The following SLC22A3 variants were observed in gnomAD, a reference collection of about 807,000 sequenced individuals.
The protein encoded by SLC22A3 is EMT organic cation transporter 3.
Under a neutral mutation model 59.1 loss-of-function variants are expected in SLC22A3, and 51 were observed. The ratio of observed to expected loss-of-function variants is 0.86; its 90% CI spans 0.69 to 1.09. The LOEUF (loss-of-function observed/expected upper bound fraction) is 1.09, where lower values mean the gene tolerates loss of function less well. SLC22A3 is among the 50% of genes least tolerant of loss of function. The pLI, the probability that SLC22A3 is intolerant of heterozygous loss-of-function variation, is 0.00. For missense variants in SLC22A3, 711 were observed against 726.3 expected (o/e 0.98, Z 0.24); for synonymous variants, 325 against 292.0 (o/e 1.11, Z -1.15).
At chr6:160,441,470 A>T (rs1583516924) in intron 7 of SLC22A3, among the ~76,000 whole-genome samples, 1 of 152,276 alleles carries the variant, frequency 6.6e-6, no homozygotes, top group African/African-American at 2.4e-5. Flanking sequence ...GAAAAACATC[A>T]AGTGCACCAG....
chr6:160,443,467 T>C (rs1788624509), intron 8 of SLC22A3, among the ~76,000 whole-genome samples, 163 bp from the exon 9 acceptor site: 1 of 152,234 alleles, frequency 6.6e-6, no homozygotes, highest in Non-Finnish European at 1.5e-5. Flanking sequence ...ACGTGCAGAA[T>C]GGAAATGTTT....
intron 9 of SLC22A3, among the ~76,000 whole-genome samples, chr6:160,444,388 G>A (rs1388270088): frequency 1.3e-5 from 2 of 151,968 alleles, no homozygotes; most frequent in African/African-American, 4.8e-5. Context: ...ACAAAAATAA[G>A]CCTAATGTCT....
rs146317414 is a variant in SLC22A3, at chr6:160,451,859, T to G, written c.*803T>G. The G allele has an allele frequency of 2.4e-4, 36 of 152,294 alleles. 1 individual carries two copies. Among genetic ancestry groups the G allele is most frequent in the African/African-American group, 8.2e-4 (34 of 41,564 alleles). The allele number at this position is 152,294 out of a possible 1,614,324, so 9.4% of individuals were successfully genotyped here. ...CAGATTCCCTTCTTTACTAAACAAA[T>G]CCCATGGATTCTGATTTCTGGGTCT... is the stretch of plus-strand genomic sequence containing the variant. On this transcript the variant is annotated 3_prime_UTR_variant, in exon 11 of 11. Transcript: ENST00000275300.
intron 1 of SLC22A3, among the ~76,000 whole-genome samples, chr6:160,358,853 C>T (rs1020133596): frequency 2.0e-5 from 3 of 152,164 alleles, no homozygotes; most frequent in African/African-American, 4.8e-5. Flanking sequence ...AGCAGAGGGA[C>T]GCTGGGACAG....
At position 160,415,863 on chromosome 6, in the gene SLC22A3, G is replaced by A. The variant is rs1787465980; in HGVS notation, c.975+5017G>A. ...TCAGGTATATTTAGGAGAAGCTAAG[G>A]ACCTAGCTTAAATCTACCCAAGGAT... On this transcript the variant is annotated intron_variant, in intron 5 of 10. Transcript: ENST00000275300. This position sits in a 1 kb window ranked among gnomAD's most constrained non-coding sequence, Gnocchi z 4.1. Among the ~76,000 whole-genome samples, 1 of 152,106 alleles carries A rather than the reference G, an allele frequency of 6.6e-6. No homozygotes were observed. The highest frequency in any genetic ancestry group is 2.1e-4 in the South Asian group (1 of 4,824).
chr6:160,410,936 T>G, intron 5 of SLC22A3, 90 bp downstream of exon 5: 1 of 686,776 alleles, frequency 1.5e-6, no homozygotes, highest in Admixed American at 2.1e-5. Context: ...CTTCTTAAAT[T>G]TATATACAAA....
rs1164774007 is a variant in SLC22A3, at chr6:160,348,820, C to G, written c.401C>G (p.Ala134Gly). The G allele has an allele frequency of 6.3e-7, 1 of 1,582,536 alleles. No individual in the cohort carries two copies. The highest frequency in any genetic ancestry group is 1.7e-5 in the Admixed American group (1 of 58,308). The change falls in exon 1 of 11, where the codon GCC (alanine) becomes GGC (glycine). Residue 134 changes from alanine to glycine, a missense_variant. Coordinates refer to ENST00000275300, the MANE Select transcript of SLC22A3 (RefSeq NM_021977.4). The stretch of plus-strand genomic sequence containing the variant: ...CCGTGCCGCGGCGGCTGGCGCTACG[C>G]CCAGGCCCACTCCACCATCGTCAGC... ...LVPCRGGWRY[A>G]QAHSTIVSEF...
chr6:160,445,921 A>G (rs1193593549), intron 9 of SLC22A3, among the ~76,000 whole-genome samples: 1 of 152,226 alleles, frequency 6.6e-6, no homozygotes, highest in African/African-American at 2.4e-5. Flanking sequence ...TCAGGAGGGA[A>G]GAGTGGCCTT....
chr6:160,442,264 C>T (rs148497554), intron 7 of SLC22A3, among the ~76,000 whole-genome samples: 1 of 152,320 alleles, frequency 6.6e-6, no homozygotes, highest in East Asian at 1.9e-4. Context: ...TCAAAGCTTG[C>T]TCCACTCTAG....
At position 160,436,930 on chromosome 6, in the gene SLC22A3, C is replaced by T. The variant is rs929803757; in HGVS notation, c.1073+53C>T. On this transcript the variant is annotated intron_variant, in intron 6 of 10. Coordinates refer to ENST00000275300, the MANE Select transcript of SLC22A3 (RefSeq NM_021977.4). ...AGCTTGCGTTAAATTTACAATACAT[C>T]CCTTCCTTCAAATCAGCTTGAAGTT... 6 of 1,608,108 alleles carry T rather than the reference C, an allele frequency of 3.7e-6. No homozygotes were observed. The South Asian group carries it at 5.5e-5, about 15-fold the overall frequency.
intron 1 of SLC22A3, among the ~76,000 whole-genome samples, chr6:160,354,034 C>T (rs1463823301): frequency 7.2e-5 from 11 of 152,166 alleles, no homozygotes; most frequent in Admixed American, 5.2e-4. Flanking sequence ...AACTGGGGAG[C>T]GGGGGAAGCC....
At chr6:160,359,156 C>CA (rs1279739877) in intron 1 of SLC22A3, among the ~76,000 whole-genome samples, 4 of 152,184 alleles carry the variant, frequency 2.6e-5, no homozygotes, top group African/African-American at 9.7e-5. Context: ...CATCAGATCA[C>CA]AGTTTGCTTG....
rs568254205 is a variant in SLC22A3 at position 160,386,238 on chromosome 6, C to T, written c.430-11741C>T. 3.3e-5 allele frequency among the ~76,000 whole-genome samples: 5 copies of T among 152,330 alleles called. No individual in the cohort carries two copies. In the South Asian group the frequency reaches 1.0e-3, roughly 32 times the overall value. ...TATACTTCTGCCCATATATCTCACT[C>T]TCTGTTTTCCAGCCTGTCTTTTCTG... On this transcript the variant is annotated intron_variant, in intron 1 of 10. Transcript: ENST00000275300.
At chr6:160,431,120 T>C (rs1178345406) in intron 5 of SLC22A3, among the ~76,000 whole-genome samples, 2 of 152,214 alleles carry the variant, frequency 1.3e-5, no homozygotes, top group Non-Finnish European at 2.9e-5. Context: ...TGCATGTAAA[T>C]GGTATGTGAG....
intron 5 of SLC22A3, among the ~76,000 whole-genome samples, chr6:160,429,261 T>C (rs187213044): frequency 7.9e-5 from 12 of 152,346 alleles, no homozygotes; most frequent in Non-Finnish European, 1.5e-4. Flanking sequence ...CTAGTGATGA[T>C]GCATTCACTG....
chr6:160,409,909 G>A (rs529692105), intron 4 of SLC22A3, among the ~76,000 whole-genome samples: 1 of 152,266 alleles, frequency 6.6e-6, no homozygotes, highest in East Asian at 1.9e-4. Flanking sequence ...GTTTCTCTGT[G>A]TGTTCTATAA....
At position 160,410,799 on chromosome 6, in the gene SLC22A3, C is replaced by T. The variant is rs183669984; in HGVS notation, c.928C>T (p.Arg310Cys). The stretch of plus-strand genomic sequence containing the variant: ...AGATAAAGCATTACAGATCCTGAGA[C>T]GCATTGCTAAGTGCAATGGGAAATA... ...KGDKALQILR[R>C]IAKCNGKYLS... The change falls in exon 5 of 11, where the codon CGC becomes TGC. Residue 310 changes from arginine to cysteine, a missense_variant. Physicochemically the swap from Arg to Cys is radical, Grantham distance 180. Coordinates refer to ENST00000275300, the MANE Select transcript of SLC22A3 (RefSeq NM_021977.4). 68 of 1,613,074 alleles carry T rather than the reference C, an allele frequency of 4.2e-5. No homozygotes were observed. The highest frequency in any genetic ancestry group is 7.7e-5 in the South Asian group (7 of 91,064).
chr6:160,372,463 C>T (rs888863939), intron 1 of SLC22A3, among the ~76,000 whole-genome samples: 13 of 152,078 alleles, frequency 8.5e-5, no homozygotes, highest in South Asian at 2.1e-4. Flanking sequence ...GTGAATCTGA[C>T]GATTATGTAT....
At chr6:160,437,497 T>G (rs1301326681) in intron 7 of SLC22A3, among the ~76,000 whole-genome samples, 1 of 152,248 alleles carries the variant, frequency 6.6e-6, no homozygotes, top group Non-Finnish European at 1.5e-5. Context: ...TTATGTGACT[T>G]ACTTTTGTGA....
Sources: allele counts gnomAD v4.1 joint callset (sites outside exome capture counted in the v4.1 genomes callset), GRCh38; gene constraint gnomAD v4.1.1; non-coding constraint Gnocchi (gnomAD v3.1); transcripts MANE v1.5; gene names NCBI Gene and HGNC (gene_info 2026-07-23, HGNC 2026-07-21).